The following RNF220 variants were observed in gnomAD, a reference collection of about 807,000 sequenced individuals.
The protein encoded by RNF220 is E3 ubiquitin-protein ligase RNF220.
Under a neutral mutation model 67.1 loss-of-function variants are expected in RNF220, and 7 were observed. That is an observed-to-expected ratio of 0.10 (90% CI 0.06 to 0.20). The LOEUF (loss-of-function observed/expected upper bound fraction) is 0.20. Among genes scored for constraint, RNF220 ranks in the 10% least tolerant of loss-of-function variants. The probability of loss-of-function intolerance (pLI) is 1.00; values close to 1 mark genes in which losing one functional copy is unlikely to be tolerated. For missense variants in RNF220, 565 were observed against 740.3 expected, an observed-to-expected ratio of 0.76 and a Z score of 2.75; for synonymous variants, 270 against 283.2, an observed-to-expected ratio of 0.95 and a Z score of 0.47.
At chr1:44,539,513 G>T (rs529267795) in intron 2 of RNF220, among the ~76,000 whole-genome samples, 3 of 152,188 alleles carry the variant, frequency 2.0e-5, no homozygotes, top group African/African-American at 7.2e-5. Flanking sequence ...GGAGCCCACC[G>T]TCAAGGAGCT....
rs112605382 is a variant in RNF220 at position 44,475,076 on chromosome 1, GA to G, written c.625+62363del. 4.0e-5 allele frequency among the ~76,000 whole-genome samples: 6 copies of G among 150,462 alleles called. No homozygotes were observed. The East Asian group carries it at 5.8e-4, about 15-fold the overall frequency. ...TGAAAGATATGTGGGTAAGACTGAGGAAAAAAAAATCACAACAGTCTAGGAA... is the reference window on the plus strand; with the variant it reads ...TGAAAGATATGTGGGTAAGACTGAGGAAAAAAAATCACAACAGTCTAGGAA... On this transcript the variant is annotated intron_variant, in intron 2 of 14. Coordinates refer to ENST00000361799, the MANE Select transcript of RNF220 (RefSeq NM_018150.4).
chr1:44,529,688 A>G (rs1015257313), intron 2 of RNF220, among the ~76,000 whole-genome samples: 4 of 152,160 alleles, frequency 2.6e-5, no homozygotes, highest in African/African-American at 9.7e-5. Flanking sequence ...ATATTTATTT[A>G]TATTTTAAAA....
intron 2 of RNF220, among the ~76,000 whole-genome samples, chr1:44,465,944 G>A (rs1201363744): frequency 1.3e-5 from 2 of 151,906 alleles, no homozygotes; most frequent in Non-Finnish European, 2.9e-5. Flanking sequence ...TAAGGTTGGC[G>A]TAGCTGTGGC....
intron 2 of RNF220, among the ~76,000 whole-genome samples, chr1:44,474,741 AATAAAT>A (rs1169087212): frequency 1.3e-5 from 2 of 152,030 alleles, no homozygotes; most frequent in African/African-American, 2.4e-5. Flanking sequence ...ACAATACAAA[AATAAAT>A]ATAAATATAA....
intron 2 of RNF220, among the ~76,000 whole-genome samples, chr1:44,496,292 G>A (rs948498779): frequency 2.0e-5 from 3 of 152,192 alleles, no homozygotes; most frequent in Admixed American, 2.0e-4. Context: ...AGTTTTGTGA[G>A]GATGGAAATC....
At chr1:44,646,374 C>T (rs1294727127) in intron 12 of RNF220, among the ~76,000 whole-genome samples, 4 of 152,378 alleles carry the variant, frequency 2.6e-5, no homozygotes, top group East Asian at 1.9e-4. Context: ...TTATCTCGGC[C>T]GGGGCCGCGA....
intron 2 of RNF220, among the ~76,000 whole-genome samples, chr1:44,605,238 G>T (rs1266727671): frequency 6.7e-6 from 1 of 150,374 alleles, no homozygotes; most frequent in Non-Finnish European, 1.5e-5. Flanking sequence ...GGCAGAGGTT[G>T]CAGTGAGCTG....
chr1:44,530,309 A>G (rs1660734216), intron 2 of RNF220, among the ~76,000 whole-genome samples: 1 of 152,184 alleles, frequency 6.6e-6, no homozygotes, highest in Non-Finnish European at 1.5e-5. Flanking sequence ...TCTTTTGACA[A>G]GATGGAGCAA....
chr1:44,487,465 A>G (rs150615172), intron 2 of RNF220, among the ~76,000 whole-genome samples: 1 of 151,840 alleles, frequency 6.6e-6, no homozygotes, highest in East Asian at 1.9e-4. Context: ...GGGTTTTGAG[A>G]GTAAAGTCTC....
At chr1:44,414,256 G>A (rs1306320621) in intron 2 of RNF220, among the ~76,000 whole-genome samples, 2 of 152,226 alleles carry the variant, frequency 1.3e-5, no homozygotes, top group African/African-American at 2.4e-5. Flanking sequence ...CATTTGTCCA[G>A]TGATGTGCAA....
At chr1:44,546,881 C>A (rs187004844) in intron 2 of RNF220, among the ~76,000 whole-genome samples, 91 of 152,352 alleles carry the variant, frequency 6.0e-4, no homozygotes, top group Non-Finnish European at 8.8e-5. Context: ...CCTCTCCAGG[C>A]GCCTCCTGGC....
rs577514730 is a variant in RNF220 at position 44,438,890 on chromosome 1, C to T, written c.625+26168C>T. Reference sequence around the variant, plus strand: ...TGCTGATTTGTTACTTTCTTTTTCACTTTTTCATTTATTACAGATACTACT... The same window carrying T: ...TGCTGATTTGTTACTTTCTTTTTCATTTTTTCATTTATTACAGATACTACT... On this transcript the variant is annotated intron_variant, in intron 2 of 14. Coordinates refer to ENST00000361799, the MANE Select transcript of RNF220 (RefSeq NM_018150.4). Among the ~76,000 whole-genome samples the T allele has an allele frequency of 2.4e-3, 368 of 152,276 alleles. 3 individuals are homozygous for T. The highest frequency in any genetic ancestry group is 4.6e-3 in the Non-Finnish European group (312 of 68,006).
intron 2 of RNF220, among the ~76,000 whole-genome samples, chr1:44,498,796 C>T (rs548603911): frequency 7.2e-5 from 11 of 152,260 alleles, no homozygotes; most frequent in Middle Eastern, 3.4e-3. Flanking sequence ...CCCAAGGATG[C>T]GCATTTCTGA....
At chr1:44,454,361 G>C (rs1201309435) in intron 2 of RNF220, among the ~76,000 whole-genome samples, 1 of 151,932 alleles carries the variant, frequency 6.6e-6, no homozygotes, top group Non-Finnish European at 1.5e-5. Context: ...GTAAATTTAT[G>C]TATACTGGAA....
intron 8 of RNF220, among the ~76,000 whole-genome samples, chr1:44,641,614 C>T (rs545367525): frequency 8.5e-5 from 13 of 152,346 alleles, no homozygotes; most frequent in Admixed American, 2.6e-4. Context: ...CTGCATAAAA[C>T]GGCTTTATGG....
At chr1:44,610,096 G>A (rs781094665) in intron 2 of RNF220, among the ~76,000 whole-genome samples, 3 of 152,204 alleles carry the variant, frequency 2.0e-5, no homozygotes, top group Non-Finnish European at 4.4e-5. Context: ...CGGTGGGGAG[G>A]GAGGTGAGGT....
chr1:44,446,428 G>A (rs750487871), intron 2 of RNF220, among the ~76,000 whole-genome samples: 21 of 152,208 alleles, frequency 1.4e-4, no homozygotes, highest in Non-Finnish European at 2.9e-4. Flanking sequence ...TTCTGCTAGA[G>A]AGAGTATGAT....
intron 2 of RNF220, among the ~76,000 whole-genome samples, chr1:44,514,406 T>C (rs1421401337): frequency 6.6e-6 from 1 of 152,186 alleles, no homozygotes; most frequent in Non-Finnish European, 1.5e-5. Flanking sequence ...CTGTTGGAAA[T>C]GTAGCCTGAG....
chr1:44,647,166 C>A (rs1363954510), intron 12 of RNF220, among the ~76,000 whole-genome samples: 1 of 152,220 alleles, frequency 6.6e-6, no homozygotes, highest in Non-Finnish European at 1.5e-5. Context: ...CCTTCTTTGC[C>A]ATTCCAGCTC....
Sources: gnomAD v4.1 joint callset for allele counts (sites outside exome capture counted in the v4.1 genomes callset) on GRCh38, gnomAD v4.1.1 for gene constraint, MANE v1.5 for transcripts, NCBI Gene and HGNC (gene_info 2026-07-23, HGNC 2026-07-21) for gene names.